Variants in PARD3B observed in about 807,000 individuals in gnomAD.
The protein encoded by PARD3B is partitioning defective 3 homolog B.
Under a neutral mutation model 130.2 loss-of-function variants are expected in PARD3B, and 103 were observed. The ratio of observed to expected loss-of-function variants is 0.79; its 90% CI spans 0.67 to 0.93. The LOEUF (loss-of-function observed/expected upper bound fraction) is 0.93. Among genes scored for constraint, PARD3B ranks in the 40% least tolerant of loss-of-function variants. The pLI, the probability that PARD3B is intolerant of heterozygous loss-of-function variation, is 0.00. For synonymous variants in PARD3B, 583 were observed against 553.2 expected (o/e 1.05, Z -0.76); for missense variants, 1,609 against 1,499.2 (o/e 1.07, Z -1.21).
At chr2:205,474,491 AATCTC>A (rs1294518992) in intron 20 of PARD3B, among the ~76,000 whole-genome samples, 1 of 152,176 alleles carries the variant, frequency 6.6e-6, no homozygotes, top group Non-Finnish European at 1.5e-5. Context: ...TGTGTCAATT[AATCTC>A]TTTGAAACCA....
At chr2:204,624,046 G>A (rs1027222774) in intron 1 of PARD3B, among the ~76,000 whole-genome samples, 1 of 152,028 alleles carries the variant, frequency 6.6e-6, no homozygotes, top group Non-Finnish European at 1.5e-5. Context: ...TTCATCTGTT[G>A]GTGGACATTT....
At chr2:205,414,090 A>G (rs148432081) in intron 19 of PARD3B, among the ~76,000 whole-genome samples, 36 of 152,272 alleles carry the variant, frequency 2.4e-4, no homozygotes, top group African/African-American at 8.2e-4. Context: ...ATAAAAAACT[A>G]ATGTAGATGG....
At chr2:204,562,624 G>A (rs113145625) in intron 1 of PARD3B, among the ~76,000 whole-genome samples, 2,309 of 152,028 alleles carry the variant, frequency 0.015, 68 homozygotes, top group African/African-American at 0.053. Flanking sequence ...TGATAGTATT[G>A]GTAACTTTAA....
At chr2:204,898,119 T>TA (rs1044760962) in intron 2 of PARD3B, among the ~76,000 whole-genome samples, 78 of 146,714 alleles carry the variant, frequency 5.3e-4, no homozygotes, top group South Asian at 2.4e-3. Context: ...TTTACCATAA[T>TA]AAAAAAAAAA....
At chr2:204,549,458 G>T (rs2030280688) in intron 1 of PARD3B, among the ~76,000 whole-genome samples, 1 of 152,112 alleles carries the variant, frequency 6.6e-6, no homozygotes, top group South Asian at 2.1e-4. Context: ...GTATCCTGCA[G>T]GGACTCTCAA....
At chr2:204,800,084 C>A (rs2042513004) in intron 2 of PARD3B, among the ~76,000 whole-genome samples, 1 of 152,100 alleles carries the variant, frequency 6.6e-6, no homozygotes, top group African/African-American at 2.4e-5. Flanking sequence ...TTTTCAGACA[C>A]AGAATTCAAA....
chr2:205,557,097 C>T (rs753762583), intron 22 of PARD3B, among the ~76,000 whole-genome samples: 32 of 152,228 alleles, frequency 2.1e-4, no homozygotes, highest in Middle Eastern at 3.4e-3. Context: ...ATTGCTCTTC[C>T]GGACTTAGAA....
chr2:205,309,931 C>T lies in PARD3B; in HGVS notation c.2630+8230C>T, dbSNP rs1056211596. ...ATCTATCTATCTATCTATCTATCAT[C>T]TATTTTTCATTGGAAAGTAAAAACT... On this transcript the variant is annotated intron_variant, in intron 18 of 22. Transcript: ENST00000406610. The surrounding 1 kb of genome is among the most constrained non-coding windows in gnomAD (Gnocchi z 4.7). Among the ~76,000 whole-genome samples the T allele has an allele frequency of 6.6e-6, 1 of 150,432 alleles. No homozygotes were observed. Among genetic ancestry groups the T allele is most frequent in the Non-Finnish European group, 1.5e-5 (1 of 67,714 alleles).
At chr2:204,874,691 G>A (rs939865307) in intron 2 of PARD3B, among the ~76,000 whole-genome samples, 2 of 152,072 alleles carry the variant, frequency 1.3e-5, no homozygotes, top group African/African-American at 2.4e-5. Flanking sequence ...CAACAGAGAC[G>A]TAGCTGTTTT....
intron 2 of PARD3B, among the ~76,000 whole-genome samples, chr2:204,764,626 A>G (rs957336978): frequency 6.6e-6 from 1 of 151,852 alleles, no homozygotes; most frequent in African/African-American, 2.4e-5. Flanking sequence ...TGCACACACC[A>G]TGTAACTGGA....
intron 2 of PARD3B, among the ~76,000 whole-genome samples, chr2:204,823,074 C>T: frequency 6.6e-6 from 1 of 152,024 alleles, no homozygotes; most frequent in East Asian, 1.9e-4. Context: ...CTTGTATTTA[C>T]CTGTGTTCCT....
chr2:205,435,375 A>T (rs2047477716), intron 19 of PARD3B, among the ~76,000 whole-genome samples: 1 of 151,998 alleles, frequency 6.6e-6, no homozygotes, highest in Admixed American at 6.6e-5. Flanking sequence ...ATCTTTTACT[A>T]TTATAATAGC....
chr2:205,348,160 T>C (rs1241169075), intron 18 of PARD3B: 1 of 152,216 alleles, frequency 6.6e-6, no homozygotes, highest in Non-Finnish European at 1.5e-5. Flanking sequence ...AGGAGGATCC[T>C]AAAGGCAGTA....
chr2:204,556,915 G>T (rs2030960539), intron 1 of PARD3B, among the ~76,000 whole-genome samples: 1 of 151,914 alleles, frequency 6.6e-6, no homozygotes, highest in Admixed American at 6.6e-5. Flanking sequence ...AAATTATCAA[G>T]ATCTAGTAGC....
intron 21 of PARD3B, among the ~76,000 whole-genome samples, chr2:205,545,715 T>C (rs866306493): frequency 5.9e-5 from 9 of 152,150 alleles, no homozygotes; most frequent in Non-Finnish European, 8.8e-5. Context: ...TCCTAACCTA[T>C]AGAAACTGGA....
In PARD3B at chr2:204,949,321, T is replaced by C. The variant is rs78278171; in HGVS notation, c.223-15831T>C. Among the ~76,000 whole-genome samples the C allele has an allele frequency of 2.2e-4, 34 of 152,260 alleles. 1 individual carries two copies. The East Asian group carries it at 6.0e-3, about 27-fold the overall frequency. The stretch of plus-strand genomic sequence containing the variant: ...CTTCCTTTCTTTTTCTCTTTCTTTC[T>C]TTCTTCTTTTTTTTGAGACAGGGTC... On this transcript the variant is annotated intron_variant, in intron 2 of 22. Transcript: ENST00000406610.
chr2:205,252,144 A>T (rs943601504), intron 16 of PARD3B, among the ~76,000 whole-genome samples: 15 of 152,214 alleles, frequency 9.9e-5, no homozygotes, highest in South Asian at 6.2e-4. Flanking sequence ...TTTTCCATAA[A>T]ATTCTTTACT....
At chr2:205,496,081 A>G (rs1442116700) in intron 20 of PARD3B, among the ~76,000 whole-genome samples, 1 of 152,190 alleles carries the variant, frequency 6.6e-6, no homozygotes, top group Non-Finnish European at 1.5e-5. Context: ...AAGTAAAAGT[A>G]TATATAGATA....
intron 21 of PARD3B, among the ~76,000 whole-genome samples, chr2:205,511,998 G>A (rs754572516): frequency 2.0e-5 from 3 of 152,030 alleles, no homozygotes; most frequent in Non-Finnish European, 2.9e-5. Context: ...GTGTTGTGAT[G>A]GGAAAAAGAA....
Sources: gnomAD v4.1 joint callset for allele counts (sites outside exome capture counted in the v4.1 genomes callset) on GRCh38, gnomAD v4.1.1 for gene constraint, Gnocchi (gnomAD v3.1) non-coding constraint, MANE v1.5 for transcripts, NCBI Gene and HGNC (gene_info 2026-07-23, HGNC 2026-07-21) for gene names.